The following TANC2 variants were observed in gnomAD, a reference collection of about 807,000 sequenced individuals.
The protein encoded by TANC2 is tetratricopeptide repeat, ankyrin repeat and coiled-coil containing 2.
TANC2 carries 26 observed loss-of-function variants against 210.5 expected under a neutral mutation model. The observed-to-expected ratio is 0.12, with a 90% CI of 0.09 to 0.17. TANC2 has a LOEUF of 0.17. TANC2 is among the 10% of genes least tolerant of loss of function. The pLI is 1.00. For synonymous variants in TANC2, 931 were observed against 967.1 expected, an observed-to-expected ratio of 0.96 and a Z score of 0.69; for missense variants, 2,129 against 2,608.9, an observed-to-expected ratio of 0.82 and a Z score of 4.01.
At chr17:63,230,669 G>A (rs1352618310) in intron 7 of TANC2, among the ~76,000 whole-genome samples, 1 of 152,068 alleles carries the variant, frequency 6.6e-6, no homozygotes, top group Non-Finnish European at 1.5e-5. Flanking sequence ...CATTTCCTGA[G>A]GAGTGTTTGA....
chr17:63,413,280 A>G (rs955036116), intron 24 of TANC2: 39 of 350,556 alleles, frequency 1.1e-4, no homozygotes, highest in Middle Eastern at 1.4e-3. Flanking sequence ...GCTTGCCCAC[A>G]TGCAGCACGC....
At chr17:63,011,231 G>A (rs1025073052) in intron 2 of TANC2, among the ~76,000 whole-genome samples, 1 of 151,726 alleles carries the variant, frequency 6.6e-6, no homozygotes, top group Non-Finnish European at 1.5e-5. Context: ...TGTTTTGTGT[G>A]TGTGTGTGTG....
At chr17:63,338,901 C>T (rs941246424) in intron 11 of TANC2, 1 of 152,044 alleles carries the variant, frequency 6.6e-6, no homozygotes, top group Non-Finnish European at 1.5e-5. Context: ...CTAGGATGAC[C>T]ATACCAGTAG....
chr17:63,049,774 A>C (rs1175507597), intron 2 of TANC2, among the ~76,000 whole-genome samples: 1 of 152,148 alleles, frequency 6.6e-6, no homozygotes, highest in East Asian at 1.9e-4. Flanking sequence ...CTGGGATGGA[A>C]GCAGAGAAAC....
intron 2 of TANC2, among the ~76,000 whole-genome samples, chr17:63,055,943 C>A (rs543950242): frequency 3.6e-5 from 4 of 111,714 alleles, no homozygotes; most frequent in African/African-American, 1.3e-4. Flanking sequence ...ACTTGTACAA[C>A]GTAGTGAGAC....
At chr17:63,121,564 C>G (rs2038479332) in intron 4 of TANC2, among the ~76,000 whole-genome samples, 1 of 152,004 alleles carries the variant, frequency 6.6e-6, no homozygotes, top group African/African-American at 2.4e-5. Context: ...AAAAGGAAAC[C>G]TGGAAATTTC....
chr17:63,263,114 G>T (rs192458037), intron 8 of TANC2, among the ~76,000 whole-genome samples: 1 of 152,232 alleles, frequency 6.6e-6, no homozygotes, highest in East Asian at 1.9e-4. Flanking sequence ...AACATAAAGC[G>T]TGTGTATTGT....
Position 63,415,692 on chromosome 17 carries a change from C to T in TANC2, c.4167+18C>T, listed in dbSNP as rs1338205361. The T allele has an allele frequency of 6.2e-7, 1 of 1,609,184 alleles. No homozygotes were observed. Among genetic ancestry groups the T allele is most frequent in the Non-Finnish European group, 8.5e-7 (1 of 1,177,696 alleles). Reference sequence around the variant, plus strand: ...AAATGAACGTAAGTCCCTGTCACCCCAACTCCTTTCTGCAATCCTGGTAGC... The same window carrying T: ...AAATGAACGTAAGTCCCTGTCACCCTAACTCCTTTCTGCAATCCTGGTAGC... On this transcript the variant is annotated intron_variant, in intron 26 of 27. Transcript: ENST00000689528.
At chr17:63,168,523 T>C (rs929088783) in intron 5 of TANC2, among the ~76,000 whole-genome samples, 1 of 152,182 alleles carries the variant, frequency 6.6e-6, no homozygotes, top group Non-Finnish European at 1.5e-5. Context: ...AACTTCCAAC[T>C]TACATTTAAT....
At chr17:63,119,736 C>T (rs1289226519) in intron 4 of TANC2, among the ~76,000 whole-genome samples, 2 of 152,108 alleles carry the variant, frequency 1.3e-5, no homozygotes, top group East Asian at 1.9e-4. Flanking sequence ...GCAAAGAGGC[C>T]GGGTGCCATG....
chr17:63,194,961 G>A (rs995898204), intron 6 of TANC2, among the ~76,000 whole-genome samples: 8 of 152,026 alleles, frequency 5.3e-5, no homozygotes, highest in Non-Finnish European at 1.2e-4. Flanking sequence ...TGATAGTGAA[G>A]CATTTTATTC....
At chr17:63,122,802 C>G (rs944715319) in intron 4 of TANC2, among the ~76,000 whole-genome samples, 1 of 152,170 alleles carries the variant, frequency 6.6e-6, no homozygotes, top group African/African-American at 2.4e-5. Context: ...ATAAATTATA[C>G]TTTGCTTTAA....
intron 2 of TANC2, among the ~76,000 whole-genome samples, chr17:63,070,969 A>G (rs1307674310): frequency 1.3e-5 from 2 of 152,168 alleles, no homozygotes; most frequent in African/African-American, 2.4e-5. Flanking sequence ...GTGCCTCACT[A>G]TAGGTGAGTT....
At chr17:63,114,297 C>T (rs1345362044) in intron 4 of TANC2, among the ~76,000 whole-genome samples, 1 of 152,120 alleles carries the variant, frequency 6.6e-6, no homozygotes, top group Non-Finnish European at 1.5e-5. Context: ...ATATCATTCA[C>T]GACATTCATT....
In TANC2 at chr17:63,420,590, C is replaced by T; in HGVS notation, c.4860C>T (p.Leu1620=). 1 of 1,613,892 alleles carries T rather than the reference C, an allele frequency of 6.2e-7. No homozygotes were observed. The highest frequency in any genetic ancestry group is 8.5e-7 in the Non-Finnish European group (1 of 1,179,822). Residue 1620 remains leucine (L), a synonymous_variant, in exon 28 of 28, where the codon CTC becomes CTT. Coordinates refer to ENST00000689528, the Ensembl canonical transcript of TANC2. The surrounding 1 kb of genome is among the most constrained non-coding windows in gnomAD (Gnocchi z 4.2). ...ACCCAAGCCCTCCCCCTTCCCCTCT[C>T]CGGAGAGGCCCTCAGTATCGGGCCA...
intron 4 of TANC2, among the ~76,000 whole-genome samples, chr17:63,140,900 C>T (rs2039265156): frequency 6.6e-6 from 1 of 151,936 alleles, no homozygotes; most frequent in South Asian, 2.1e-4. Context: ...GCCCTCACCA[C>T]CACTACACCT....
chr17:63,168,669 CT>C (rs955837571), intron 5 of TANC2, among the ~76,000 whole-genome samples: 1 of 152,320 alleles, frequency 6.6e-6, no homozygotes, highest in East Asian at 1.9e-4. Flanking sequence ...ACCATTACCC[CT>C]AGCTATGTGA....
chr17:63,163,560 A>G (rs996123742), intron 5 of TANC2, among the ~76,000 whole-genome samples: 3 of 152,200 alleles, frequency 2.0e-5, no homozygotes, highest in African/African-American at 4.8e-5. Context: ...GTAACTTACT[A>G]TATACTATTA....
chr17:63,348,222 T>A (rs1044869263), intron 12 of TANC2, among the ~76,000 whole-genome samples: 1 of 152,244 alleles, frequency 6.6e-6, no homozygotes, highest in African/African-American at 2.4e-5. Flanking sequence ...GAGATTCAGT[T>A]CTGACTTCAG....
Sources: allele counts gnomAD v4.1 joint callset (sites outside exome capture counted in the v4.1 genomes callset), GRCh38; gene constraint gnomAD v4.1.1; non-coding constraint Gnocchi (gnomAD v3.1); transcripts MANE v1.5; gene names NCBI Gene and HGNC (gene_info 2026-07-23, HGNC 2026-07-21).